Variants in ROBO2 observed in about 807,000 individuals in gnomAD.
ROBO2 encodes the protein roundabout guidance receptor 2, also known as roundabout homolog 2.
A neutral mutation model predicts 160.8 loss-of-function variants in ROBO2; 53 were observed. That is an observed-to-expected ratio of 0.33 (90% CI 0.26 to 0.41). The LOEUF is 0.41. Among genes scored for constraint, ROBO2 ranks in the 10% least tolerant of loss-of-function variants. The probability of loss-of-function intolerance (pLI) is 1.00; values close to 1 mark genes in which losing one functional copy is unlikely to be tolerated. For missense variants in ROBO2, 1,577 were observed against 1,722.4 expected, an observed-to-expected ratio of 0.92 and a Z score of 1.49; for synonymous variants, 664 against 611.7, an observed-to-expected ratio of 1.09 and a Z score of -1.26.
At chr3:77,314,402 A>G (rs2063796159) in intron 2 of ROBO2, among the ~76,000 whole-genome samples, 2 of 152,218 alleles carry the variant, frequency 1.3e-5, no homozygotes, top group Non-Finnish European at 2.9e-5. Flanking sequence ...AAGCAGAGTT[A>G]TCTTTTATGT....
chr3:76,141,116 GCTCTCTCTCTCTCTCTCTCTCTCT>G (rs55829903), intron 2 of ROBO2, among the ~76,000 whole-genome samples: 2 of 16,686 alleles, frequency 1.2e-4, no homozygotes, highest in African/African-American at 2.0e-4. Flanking sequence ...GAGCTACCAT[GCTCTCTCTCTCTCTCTCTCTCTCT>G]CTCTCTCTCT....
chr3:76,956,568 A>G (rs976599007), intron 2 of ROBO2, among the ~76,000 whole-genome samples: 15 of 151,610 alleles, frequency 9.9e-5, no homozygotes, highest in Non-Finnish European at 1.8e-4. Context: ...AAAAAAAAAA[A>G]AAAGAAAAAG....
intron 2 of ROBO2, among the ~76,000 whole-genome samples, chr3:76,131,844 A>C (rs556045783): frequency 1.3e-5 from 2 of 152,308 alleles, no homozygotes; most frequent in East Asian, 1.9e-4. Flanking sequence ...TCTAAGTTGT[A>C]ATGATTAACT....
At chr3:77,005,228 G>C (rs967281836) in intron 2 of ROBO2, among the ~76,000 whole-genome samples, 3 of 152,272 alleles carry the variant, frequency 2.0e-5, no homozygotes, top group Admixed American at 2.0e-4. Flanking sequence ...TGGTGCGCCA[G>C]GTGCTGCATT....
At chr3:77,054,812 C>A (rs1026112728) in intron 1 of ROBO2, among the ~76,000 whole-genome samples, 2 of 152,066 alleles carry the variant, frequency 1.3e-5, no homozygotes, top group African/African-American at 4.8e-5. Context: ...TTTACATTCC[C>A]ATCAATGCTG....
chr3:77,292,664 G>A (rs2061450652), intron 2 of ROBO2, among the ~76,000 whole-genome samples: 1 of 150,700 alleles, frequency 6.6e-6, no homozygotes, highest in Admixed American at 6.6e-5. Context: ...AAGACATAAA[G>A]TAAAATTGAC....
At chr3:76,995,599 C>G (rs959971755) in intron 2 of ROBO2, among the ~76,000 whole-genome samples, 5 of 152,150 alleles carry the variant, frequency 3.3e-5, no homozygotes, top group Non-Finnish European at 5.9e-5. Context: ...TCTCCACATC[C>G]TCTCCAGCAC....
intron 2 of ROBO2, among the ~76,000 whole-genome samples, chr3:76,430,082 T>G (rs947946059): frequency 6.6e-6 from 1 of 152,122 alleles, no homozygotes; most frequent in Admixed American, 6.6e-5. Flanking sequence ...GATATGTCTC[T>G]TCCTAGTTAA....
intron 2 of ROBO2, among the ~76,000 whole-genome samples, chr3:77,396,844 T>A (rs192092235): frequency 9.2e-5 from 14 of 152,248 alleles, no homozygotes; most frequent in Admixed American, 3.9e-4. Context: ...GGGCAATTTA[T>A]TCCGTGATAC....
chr3:76,143,556 A>T (rs2071766773), intron 2 of ROBO2, among the ~76,000 whole-genome samples: 1 of 152,062 alleles, frequency 6.6e-6, no homozygotes, highest in East Asian at 1.9e-4. Context: ...TCTCTCTACT[A>T]ACAGAAAAAC....
intron 2 of ROBO2, among the ~76,000 whole-genome samples, chr3:76,036,526 CAG>C (rs2067114862): frequency 6.6e-6 from 1 of 151,192 alleles, no homozygotes; most frequent in African/African-American, 2.4e-5. Context: ...TTTTTTGAAA[CAG>C]AGTTTCACTC....
chr3:76,229,526 T>C (rs1704494179), intron 2 of ROBO2, among the ~76,000 whole-genome samples: 1 of 152,134 alleles, frequency 6.6e-6, no homozygotes, highest in South Asian at 2.1e-4. Context: ...CAATTATTCT[T>C]AATGTGAATC....
chr3:77,350,699 T>G (rs2068235593), intron 2 of ROBO2, among the ~76,000 whole-genome samples: 1 of 152,186 alleles, frequency 6.6e-6, no homozygotes, highest in African/African-American at 2.4e-5. Context: ...GGAATCCTCT[T>G]GCAGAGTAGC....
At chr3:76,283,343 C>T in intron 2 of ROBO2, among the ~76,000 whole-genome samples, 1 of 151,010 alleles carries the variant, frequency 6.6e-6, no homozygotes, top group East Asian at 2.0e-4. Context: ...AATTATTTAT[C>T]CTAACAGTCT....
In ROBO2 at chr3:77,177,623, A is replaced by G. The variant is rs1238445302; in HGVS notation, c.388+79283A>G. The stretch of plus-strand genomic sequence containing the variant: ...GCTATTCTTAAATTTTTTGCCAAAT[A>G]TTTTTATCTGAGCTTGATTGAATCC... On this transcript the variant is annotated intron_variant, in intron 2 of 25. Coordinates refer to ENST00000461745, the Ensembl canonical transcript of ROBO2. 2.8e-4 allele frequency among the ~76,000 whole-genome samples: 42 copies of G among 151,828 alleles called. 1 individual carries two copies.
intron 2 of ROBO2, among the ~76,000 whole-genome samples, chr3:76,142,995 G>A (rs778359997): frequency 5.3e-5 from 8 of 151,560 alleles, no homozygotes; most frequent in East Asian, 3.9e-4. Context: ...AAATTTTCAC[G>A]TCATTTATGA....
At chr3:76,424,579 A>G (rs1219810235) in intron 2 of ROBO2, among the ~76,000 whole-genome samples, 1 of 152,296 alleles carries the variant, frequency 6.6e-6, no homozygotes, top group East Asian at 1.9e-4. Context: ...ATCTGAAGAG[A>G]TACTTTATAG....
At chr3:76,850,606 G>T (rs1006009741) in intron 2 of ROBO2, among the ~76,000 whole-genome samples, 2 of 152,106 alleles carry the variant, frequency 1.3e-5, no homozygotes, top group Non-Finnish European at 2.9e-5. Context: ...GCTCGATGAT[G>T]CTCTTTTTTG....
At chr3:76,287,443 C>T (rs1708560738) in intron 2 of ROBO2, among the ~76,000 whole-genome samples, 1 of 151,766 alleles carries the variant, frequency 6.6e-6, no homozygotes, top group Non-Finnish European at 1.5e-5. Context: ...TTACAGGCAC[C>T]CACCACCATG....
Sources: gnomAD v4.1 joint callset for allele counts (sites outside exome capture counted in the v4.1 genomes callset) on GRCh38, gnomAD v4.1.1 for gene constraint, MANE v1.5 for transcripts, NCBI Gene and HGNC (gene_info 2026-07-23, HGNC 2026-07-21) for gene names.